COL2A1: variants seen among roughly 807,000 people sequenced by gnomAD.
COL2A1 encodes collagen alpha-1(II) chain.
In COL2A1, 28 loss-of-function variants were observed where a neutral mutation model predicts 204.5. That is an observed-to-expected ratio of 0.14 (90% CI 0.10 to 0.19). The LOEUF (loss-of-function observed/expected upper bound fraction) is 0.19. Among genes scored for constraint, COL2A1 ranks in the 10% least tolerant of loss-of-function variants. The probability of loss-of-function intolerance (pLI) is 1.00; values close to 1 mark genes in which losing one functional copy is unlikely to be tolerated. For synonymous variants in COL2A1, 708 were observed against 718.7 expected, an observed-to-expected ratio of 0.99 and a Z score of 0.24; for missense variants, 1,388 against 2,027.5, an observed-to-expected ratio of 0.68 and a Z score of 6.06.
At position 47,981,704 on chromosome 12, in the gene COL2A1, G is replaced by A. The variant is rs1000890754; in HGVS notation, c.2409+72C>T. On this transcript the variant is annotated intron_variant, in intron 36 of 53. Transcript: ENST00000380518. ...TGGTGAGGGAGGACAAGACAGAACC[G>A]CCTTTGGCAGGAGATAAGAAGGAGG... The A allele has an allele frequency of 1.4e-5, 20 of 1,478,186 alleles. No homozygotes were observed. The African/African-American group carries it at 1.4e-4, about 10-fold the overall frequency. 91.6% of individuals were successfully genotyped at this position (1,478,186 alleles called of 1,614,324 possible).
chr12:47,984,395 C>T, intron 28 of COL2A1, 151 bp downstream of exon 28: 1 of 879,578 alleles, frequency 1.1e-6, no homozygotes, highest in East Asian at 2.6e-5. Flanking sequence ...TGTAGACACC[C>T]AAAGGGCCCA....
intron 37 of COL2A1, 71 bp from the exon 38 acceptor site, chr12:47,981,039 C>T (rs1939045744): frequency 2.8e-6 from 4 of 1,446,306 alleles, no homozygotes; most frequent in African/African-American, 1.4e-5. Context: ...CCTCCAAGAG[C>T]CCCTTGGGCC....
At chr12:47,993,672 A>G in intron 14 of COL2A1, 137 bp downstream of exon 14, 1 of 1,139,856 alleles carries the variant, frequency 8.8e-7, no homozygotes, top group Non-Finnish European at 1.3e-6. Flanking sequence ...GCCCATCAGG[A>G]TGTAGGGCTG....
Position 47,976,350 on chromosome 12 carries a change from C to T in COL2A1, c.3489+164G>A, listed in dbSNP as rs1001097580. Reference sequence around the variant, plus strand: ...GTCTTACAGCCATTGTGGCCTCAGGCGCTTTTCTGGCCATAGGCACATGAG... The same window carrying T: ...GTCTTACAGCCATTGTGGCCTCAGGTGCTTTTCTGGCCATAGGCACATGAG... On this transcript the variant is annotated intron_variant, in intron 49 of 53. Coordinates refer to ENST00000380518, the MANE Select transcript of COL2A1 (RefSeq NM_001844.5). The surrounding 1 kb of genome is among the most constrained non-coding windows in gnomAD (Gnocchi z 4.3). Among the ~76,000 whole-genome samples the T allele has an allele frequency of 5.9e-5, 9 of 152,214 alleles. No homozygotes were observed. The highest frequency in any genetic ancestry group is 8.8e-5 in the Non-Finnish European group (6 of 68,028).
intron 36 of COL2A1, 28 bp from the exon 37 acceptor site, chr12:47,981,424 G>T: frequency 6.3e-7 from 1 of 1,598,276 alleles, no homozygotes; most frequent in African/African-American, 1.3e-5. Flanking sequence ...AGGAAGAGCT[G>T]GGGTAAGAAG....
chr12:47,986,064 G>A (rs1939386817), intron 23 of COL2A1, 99 bp from the exon 24 acceptor site: 1 of 1,187,032 alleles, frequency 8.4e-7, no homozygotes, highest in Non-Finnish European at 1.2e-6. Context: ...CCCAATTTCT[G>A]GGGAGCAGTA....
chr12:47,978,755 T>G lies in COL2A1; in HGVS notation c.2737A>C (p.Asn913His). The G allele has an allele frequency of 6.2e-7, 1 of 1,612,808 alleles. No individual in the cohort carries two copies. Among genetic ancestry groups the G allele is most frequent in the Non-Finnish European group, 8.5e-7 (1 of 1,179,942 alleles). The change falls in exon 42 of 54, where the codon AAC becomes CAC. Residue 913 changes from asparagine (N) to histidine (H), a missense_variant. Coordinates refer to ENST00000380518, the MANE Select transcript of COL2A1 (RefSeq NM_001844.5). This position sits in a 1 kb window ranked among gnomAD's most constrained non-coding sequence, Gnocchi z 5.5. ...GRVGPPGSNG[N>H]PGPPGPPGPS... is the part of the protein sequence containing the mutation. Reference sequence around the variant, plus strand: ...CCAGGGGGACCAGGGGGTCCAGGGTTGCCCTAGAAGGAGAAAATGCGGGAA... The same window carrying G: ...CCAGGGGGACCAGGGGGTCCAGGGTGGCCCTAGAAGGAGAAAATGCGGGAA...
At chr12:47,994,594 T>A in intron 11 of COL2A1, 117 bp from the exon 12 acceptor site, 1 of 1,037,968 alleles carries the variant, frequency 9.6e-7, no homozygotes, top group South Asian at 1.3e-5. Context: ...GGCTCACTCA[T>A]CTCCCTCACC....
chr12:47,990,908 C>A (rs1793919), intron 16 of COL2A1, among the ~76,000 whole-genome samples: 1 of 152,150 alleles, frequency 6.6e-6, no homozygotes, highest in Non-Finnish European at 1.5e-5. Flanking sequence ...AGGGGGGTAC[C>A]TTTTCCTGCT....
rs906839760 is a variant in COL2A1 at position 47,983,377 on chromosome 12, A to G, written c.2049+8T>C. The G allele has an allele frequency of 1.2e-6, 2 of 1,614,022 alleles. No homozygotes were observed. ...ACAGGTTGCAGGTCCAAAGAGCCCC[A>G]TACTCACCTGGTCACCTGGTTTTCC... is the stretch of plus-strand genomic sequence containing the variant. On this transcript the variant is annotated splice_region_variant and intron_variant, in intron 31 of 53. Coordinates refer to ENST00000380518, the MANE Select transcript of COL2A1 (RefSeq NM_001844.5).
intron 8 of COL2A1, 37 bp from the exon 9 acceptor site, chr12:47,995,956 T>A: frequency 3.2e-6 from 5 of 1,575,280 alleles, no homozygotes; most frequent in Non-Finnish European, 4.4e-6. Flanking sequence ...TTACTACACA[T>A]GCTTCCTCAG....
chr12:47,984,445 C>T, intron 28 of COL2A1, 101 bp downstream of exon 28: 1 of 1,236,674 alleles, frequency 8.1e-7, no homozygotes, highest in Non-Finnish European at 1.2e-6. Context: ...ACACTCAATA[C>T]TGAGGGGTCC....
At position 47,985,814 on chromosome 12, in the gene COL2A1, C is replaced by G. The variant is rs1354905061; in HGVS notation, c.1594G>C (p.Glu532Gln). 6.2e-7 allele frequency: 1 copy of G among 1,610,522 alleles called. No individual in the cohort carries two copies. The highest frequency in any genetic ancestry group is 2.2e-5 in the East Asian group (1 of 44,768). ...GLAGPKGAPG[E>Q]RGPSGLAGPK... ...CCAGCAAGACCACTGGGCCCTCGCT[C>G]TCCAGGGGCTCCCTACAAGGGTACA... Residue 532 changes from glutamate to glutamine, a missense_variant, in exon 25 of 54, where the codon GAG (glutamate) becomes CAG (glutamine). Physicochemically the swap from Glu to Gln is conservative, Grantham distance 29. Coordinates refer to ENST00000380518, the MANE Select transcript of COL2A1 (RefSeq NM_001844.5).
Position 47,972,970 on chromosome 12 carries a change from T to G in COL2A1, c.*437A>C, listed in dbSNP as rs1194340790. On this transcript the variant is annotated 3_prime_UTR_variant, in exon 54 of 54. Transcript: ENST00000380518. ...GAACAAACCACAAGTCAATATGTAC[T>G]TTCCAATAATCTTTTCATTTTTAAT... 1.0e-5 allele frequency: 5 copies of G among 495,548 alleles called. No homozygotes were observed. Among genetic ancestry groups the G allele is most frequent in the East Asian group, 2.9e-5 (1 of 34,014 alleles). 30.7% of individuals were successfully genotyped at this position (495,548 alleles called of 1,614,324 possible). A position where few individuals can be genotyped will look rare whatever the true frequency, so the allele number is the denominator to read the frequency against.
In COL2A1 at chr12:47,974,169, T is replaced by A; in HGVS notation, c.4237A>T (p.Ile1413Phe). ...ATCTCCACGTCATTGGAGCCCTGGA[T>A]GAGCAGGGCCTTCTTGAGGTTGCCA... is the stretch of plus-strand genomic sequence containing the variant. ...AAGNLKKALL[I>F]QGSNDVEIRA... is the part of the protein sequence containing the mutation. Residue 1413 changes from isoleucine to phenylalanine, a missense_variant, in exon 53 of 54, where the codon ATC becomes TTC. By Grantham distance (21) the Ile-to-Phe change is conservative (BLOSUM62 0). Coordinates refer to ENST00000380518, the MANE Select transcript of COL2A1 (RefSeq NM_001844.5). 1 of 1,614,214 alleles carries A rather than the reference T, an allele frequency of 6.2e-7. No homozygotes were observed. Among genetic ancestry groups the A allele is most frequent in the Non-Finnish European group, 8.5e-7 (1 of 1,180,038 alleles).
intron 51 of COL2A1, 95 bp from the exon 52 acceptor site, chr12:47,974,957 C>T: frequency 7.7e-7 from 1 of 1,305,684 alleles, no homozygotes; most frequent in South Asian, 1.4e-5. Context: ...ACAGAGAGGC[C>T]TACAGGGACA....
intron 16 of COL2A1, among the ~76,000 whole-genome samples, chr12:47,991,165 C>T (rs563484484): frequency 6.6e-6 from 1 of 152,288 alleles, no homozygotes; most frequent in East Asian, 1.9e-4. Context: ...GGAAGCAGTT[C>T]CTTGGGGAGC....
intron 16 of COL2A1, among the ~76,000 whole-genome samples, chr12:47,991,558 A>G (rs1353027513): frequency 2.6e-5 from 4 of 152,100 alleles, no homozygotes; most frequent in Non-Finnish European, 5.9e-5. Context: ...ATGGGAGGGG[A>G]GAGGGAGGAG....
At chr12:47,977,018 G>A (rs546301665) in intron 47 of COL2A1, 84 bp downstream of exon 47, 209 of 1,542,972 alleles carry the variant, frequency 1.4e-4, no homozygotes, top group Non-Finnish European at 1.8e-4. Context: ...ACACAGGGCT[G>A]GAGGCCCAGG....
Sources: gnomAD v4.1 joint callset for allele counts (sites outside exome capture counted in the v4.1 genomes callset) on GRCh38, gnomAD v4.1.1 for gene constraint, Gnocchi (gnomAD v3.1) non-coding constraint, MANE v1.5 for transcripts, NCBI Gene and HGNC (gene_info 2026-07-23, HGNC 2026-07-21) for gene names.